Variants in DMD observed in about 807,000 individuals in gnomAD.
The protein encoded by DMD is mutant dystrophin.
In DMD, 63 loss-of-function variants were observed where a neutral mutation model predicts 330.1. The observed-to-expected ratio is 0.19, with a 90% confidence interval of 0.16 to 0.24. The LOEUF (loss-of-function observed/expected upper bound fraction) is 0.24. DMD is among the 10% of genes least tolerant of loss of function. The pLI, the probability that DMD is intolerant of heterozygous loss-of-function variation, is 1.00. For synonymous variants in DMD, 1,223 were observed against 959.8 expected, an observed-to-expected ratio of 1.27 and a Z score of -5.07; for missense variants, 3,344 against 2,684.1, an observed-to-expected ratio of 1.25 and a Z score of -5.43.
Position 32,518,123 on chromosome X carries a change from A to G in DMD, c.2177T>C (p.Val726Ala). 1 of 1,209,788 alleles carries G rather than the reference A, an allele frequency of 8.3e-7. No individual in the cohort carries two copies. The highest frequency in any genetic ancestry group is 1.1e-6 in the Non-Finnish European group (1 of 893,745). ...VDSEIRKRLD[V>A]DITELHSWIT... ...CCAGCTGTGAAGTTCAGTTATATCA[A>G]CATCCAACCTAAGACAGCAAAAAAT... Residue 726 changes from valine (V) to alanine (A), a missense_variant, in exon 18 of 79, where the codon GTT (valine) becomes GCT (alanine). Transcript: ENST00000357033.
intron 7 of DMD, chrX:32,756,184 C>T (rs1353170250): frequency 8.9e-6 from 1 of 112,025 alleles, no homozygotes; most frequent in Non-Finnish European, 1.9e-5. Context: ...ACCATTCCGG[C>T]TCAACAAGAA....
chrX:32,487,158 AAAAC>A (rs1243566029), intron 20 of DMD, among the ~76,000 whole-genome samples: 24 of 111,800 alleles, frequency 2.1e-4, no homozygotes, highest in Non-Finnish European at 4.1e-4. Context: ...TTACAAGAAA[AAAAC>A]AAACAACCCC....
chrX:32,330,725 C>T (rs766077721), intron 41 of DMD, among the ~76,000 whole-genome samples: 21 of 110,837 alleles, frequency 1.9e-4, no homozygotes, highest in African/African-American at 5.6e-4. Context: ...TGGTATTTTA[C>T]GTTTTGTGTT....
chrX:31,924,812 C>T (rs2094745565), intron 47 of DMD, among the ~76,000 whole-genome samples: 1 of 111,677 alleles, frequency 9.0e-6, no homozygotes, highest in Admixed American at 9.6e-5. Context: ...TGGGCAGTAA[C>T]AAATTCAAAT....
chrX:31,846,540 T>C (rs2093430289), intron 48 of DMD, among the ~76,000 whole-genome samples: 1 of 111,587 alleles, frequency 9.0e-6, no homozygotes, highest in Non-Finnish European at 1.9e-5. Context: ...ATTCATCCTA[T>C]ATGATAAAAA....
At chrX:32,851,089 T>C (rs1380804113) in intron 2 of DMD, among the ~76,000 whole-genome samples, 1 of 111,827 alleles carries the variant, frequency 8.9e-6, no homozygotes, top group Non-Finnish European at 1.9e-5. Context: ...GCTCTTTACA[T>C]ACACTCCTTG....
chrX:31,217,932 A>T (rs1027740895), intron 64 of DMD, among the ~76,000 whole-genome samples: 4 of 112,299 alleles, frequency 3.6e-5, no homozygotes, highest in African/African-American at 9.7e-5. Context: ...AGAGAATTTC[A>T]AATTGATTTA....
In DMD at chrX:32,697,892, G is replaced by A. The variant is rs201799335; in HGVS notation, c.938C>T (p.Thr313Ile). 1.3e-5 allele frequency: 16 copies of A among 1,208,428 alleles called. No individual in the cohort carries two copies. In the African/African-American group the frequency reaches 2.6e-4, roughly 20 times the overall value. The change falls in exon 9 of 79, where the codon ACA (threonine) becomes ATA (isoleucine). Residue 313 changes from threonine to isoleucine, a missense_variant. Coordinates refer to ENST00000357033, the MANE Select transcript of DMD (RefSeq NM_004006.3). ...QAAYVTTSDP[T>I]RSPFPSQHLE... ...GACCTGTGAAGGAAATGGGCTCCGT[G>A]TAGGGTCAGAGGTGGTGACATAAGC...
chrX:32,903,861 G>A (rs1158250036), intron 2 of DMD, among the ~76,000 whole-genome samples: 2 of 111,478 alleles, frequency 1.8e-5, no homozygotes. Flanking sequence ...ACTGGAACAC[G>A]AGAAGCAAGA....
At chrX:31,722,823 A>G (rs2085675932) in intron 52 of DMD, among the ~76,000 whole-genome samples, 2 of 110,298 alleles carry the variant, frequency 1.8e-5, no homozygotes, top group Non-Finnish European at 3.8e-5. Flanking sequence ...AGGCGGGTGG[A>G]TCACCTGAAG....
chrX:33,155,264 C>T (rs192597583), intron 1 of DMD, among the ~76,000 whole-genome samples: 22 of 110,957 alleles, frequency 2.0e-4, no homozygotes, highest in Non-Finnish European at 3.2e-4. Flanking sequence ...TAATAATCTT[C>T]ACAATATCAA....
upstream of DMD, among the ~76,000 whole-genome samples, chrX:33,215,719 C>A (rs5972780): frequency 5.1e-3 from 569 of 111,885 alleles, 1 homozygote; most frequent in Middle Eastern, 0.014. Flanking sequence ...AAGTAGAGGT[C>A]CAATTTCAAT....
intron 20 of DMD, among the ~76,000 whole-genome samples, chrX:32,486,325 A>G (rs2042461938): frequency 8.9e-6 from 1 of 111,934 alleles, no homozygotes; most frequent in Non-Finnish European, 1.9e-5. Context: ...CTTTCAAATA[A>G]TATTTTTGAT....
At chrX:32,510,987 T>C (rs1199030967) in intron 18 of DMD, among the ~76,000 whole-genome samples, 2 of 109,992 alleles carry the variant, frequency 1.8e-5, no homozygotes, top group Non-Finnish European at 3.8e-5. Flanking sequence ...TATGTGTGTG[T>C]ATGTACATAT....
intron 55 of DMD, among the ~76,000 whole-genome samples, chrX:31,556,084 T>C (rs1197061983): frequency 9.1e-6 from 1 of 110,391 alleles, no homozygotes; most frequent in Non-Finnish European, 1.9e-5. Context: ...ATAATAATAA[T>C]TGGCCGGGCG....
At chrX:32,758,081 A>C (rs1480094739) in intron 7 of DMD, among the ~76,000 whole-genome samples, 1 of 112,106 alleles carries the variant, frequency 8.9e-6, no homozygotes, top group African/African-American at 3.2e-5. Flanking sequence ...TCATCAGTTC[A>C]ACAATGTTAT....
chrX:32,571,502 T>C (rs1200738605), intron 15 of DMD, among the ~76,000 whole-genome samples: 1 of 111,678 alleles, frequency 9.0e-6, no homozygotes, highest in Non-Finnish European at 1.9e-5. Context: ...TCCTTGATTG[T>C]AGACATTCCT....
chrX:32,976,107 G>T (rs777276290), intron 2 of DMD, among the ~76,000 whole-genome samples: 2 of 111,178 alleles, frequency 1.8e-5, no homozygotes, highest in East Asian at 2.9e-4. Context: ...TGTAATCCCA[G>T]CTACTCGGGA....
intron 7 of DMD, among the ~76,000 whole-genome samples, chrX:32,776,901 G>A (rs887580430): frequency 9.0e-6 from 1 of 111,591 alleles, no homozygotes; most frequent in Non-Finnish European, 1.9e-5. Context: ...GTGCATGAAA[G>A]CTGATGTTTT....
Sources: gnomAD v4.1 joint callset for allele counts (sites outside exome capture counted in the v4.1 genomes callset) on GRCh38, gnomAD v4.1.1 for gene constraint, MANE v1.5 for transcripts, NCBI Gene and HGNC (gene_info 2026-07-23, HGNC 2026-07-21) for gene names.